The following LZTFL1 variants were observed in gnomAD, a reference collection of about 807,000 sequenced individuals.
LZTFL1 encodes leucine zipper transcription factor like 1.
LZTFL1 carries 25 observed loss-of-function variants against 45.9 expected under a neutral mutation model. The ratio of observed to expected loss-of-function variants is 0.54; its 90% CI spans 0.40 to 0.76. The LOEUF (loss-of-function observed/expected upper bound fraction) is 0.76. LZTFL1 is among the 30% of genes least tolerant of loss of function. The pLI is 0.00. For missense variants in LZTFL1, 277 were observed against 331.1 expected (o/e 0.84, Z 1.27); for synonymous variants, 93 against 117.4 (o/e 0.79, Z 1.35).
chr3:45,828,055 C>T (rs1006277132), intron 8 of LZTFL1, among the ~76,000 whole-genome samples: 1 of 151,938 alleles, frequency 6.6e-6, no homozygotes, highest in African/African-American at 2.4e-5. Flanking sequence ...ATCTAGCTCT[C>T]TACATATTTT....
rs140610620 is a variant in LZTFL1 at position 45,841,783 on chromosome 3, G to A, written c.3+206C>T. 391 of 637,518 alleles carry A rather than the reference G, an allele frequency of 6.1e-4. 6 individuals carry two copies. In the East Asian group the frequency reaches 0.01, roughly 17 times the overall value. The allele number at this position is 637,518 out of a possible 1,614,324, so 39.5% of individuals were successfully genotyped here. A position where few individuals can be genotyped will look rare whatever the true frequency, so the allele number is the denominator to read the frequency against. ...GGCGGAGCTGGGCTGCTGGGAAAAGGCTTCACCCAGGATTACCCCAGAAGG... is the reference window on the plus strand; with the variant it reads ...GGCGGAGCTGGGCTGCTGGGAAAAGACTTCACCCAGGATTACCCCAGAAGG... On this transcript the variant is annotated intron_variant, in intron 1 of 9. Coordinates refer to ENST00000296135, the MANE Select transcript of LZTFL1 (RefSeq NM_020347.4).
chr3:45,879,518 G>T (rs1271277240), intron 2 of LZTFL1, among the ~76,000 whole-genome samples: 1 of 152,188 alleles, frequency 6.6e-6, no homozygotes, highest in Non-Finnish European at 1.5e-5. Context: ...AGAGAGGGAC[G>T]AATAGGTGGA....
intron 2 of LZTFL1, among the ~76,000 whole-genome samples, chr3:45,889,426 G>A (rs1026010896): frequency 6.6e-6 from 1 of 152,146 alleles, no homozygotes; most frequent in African/African-American, 2.4e-5. Context: ...CAGGCTACAA[G>A]TTCCTCCTCT....
intron 8 of LZTFL1, among the ~76,000 whole-genome samples, chr3:45,828,005 A>AACTC (rs1343862207): frequency 1.3e-5 from 2 of 152,092 alleles, no homozygotes; most frequent in African/African-American, 4.8e-5. Flanking sequence ...ACCCGGCCTC[A>AACTC]ACTCCCATAT....
intron 4 of LZTFL1, among the ~76,000 whole-genome samples, chr3:45,851,044 C>T (rs1269713066): frequency 6.6e-6 from 1 of 152,068 alleles, no homozygotes; most frequent in South Asian, 2.1e-4. Flanking sequence ...CCTTCAGCTC[C>T]AATTCACTTC....
Position 45,830,806 on chromosome 3 carries a change from G to C in LZTFL1, c.600+107C>G. On this transcript the variant is annotated intron_variant, in intron 7 of 9. Transcript: ENST00000296135. ...ATGACAATAGAGGCATTTGTCTCAG[G>C]GAGTAGCAGGGGTGGGGTACAGTGA... The C allele has an allele frequency of 3.3e-6, 3 of 907,488 alleles. No individual in the cohort carries two copies. The South Asian group carries it at 4.7e-5, about 14-fold the overall frequency. The allele number at this position is 907,488 out of a possible 1,614,324, so 56.2% of individuals were successfully genotyped here.
chr3:45,842,147 G>A, upstream of LZTFL1: 2 of 1,510,180 alleles, frequency 1.3e-6, no homozygotes, highest in South Asian at 1.3e-5. Context: ...GAGGCACGTG[G>A]ACTGCAATTA....
intron 2 of LZTFL1, among the ~76,000 whole-genome samples, chr3:45,875,585 G>A (rs2125720410): frequency 6.6e-6 from 1 of 152,314 alleles, no homozygotes; most frequent in African/African-American, 2.4e-5. Flanking sequence ...ACTTTAGGAG[G>A]CCAAGACAGG....
intron 2 of LZTFL1, among the ~76,000 whole-genome samples, chr3:45,889,316 T>A (rs1326834669): frequency 2.6e-5 from 4 of 151,508 alleles, no homozygotes; most frequent in South Asian, 2.1e-4. Context: ...AAAAAAAAAA[T>A]AAAGAGAAAC....
At chr3:45,894,743 A>C (rs79967870) in intron 2 of LZTFL1, among the ~76,000 whole-genome samples, 1,995 of 152,338 alleles carry the variant, frequency 0.013, 49 homozygotes, top group African/African-American at 0.046. Flanking sequence ...GACTACTCAG[A>C]TGATTCTGAA....
intron 9 of LZTFL1, 56 bp downstream of exon 9, chr3:45,827,300 G>T: frequency 7.8e-7 from 1 of 1,290,222 alleles, no homozygotes; most frequent in Non-Finnish European, 1.1e-6. Context: ...AGATTTAACA[G>T]AGAACAAACA....
At chr3:45,845,641 T>C (rs1701206840), upstream of LZTFL1, among the ~76,000 whole-genome samples, 1 of 152,126 alleles carries the variant, frequency 6.6e-6, no homozygotes, top group Non-Finnish European at 1.5e-5. Context: ...CCTTTAAGAG[T>C]GTCTTATTCA....
At chr3:45,902,346 G>C (rs144027662) in intron 2 of LZTFL1, 1 of 172,050 alleles carries the variant, frequency 5.8e-6, no homozygotes, top group Non-Finnish European at 1.4e-5. Flanking sequence ...GTCCATCTTT[G>C]GGAAATTTTC....
Position 45,850,061 on chromosome 3 carries a change from T to C in LZTFL1, c.-49+4925A>G, listed in dbSNP as rs1373583225. ...GTTGAGAGATTTTTCCATGTGCCCA[T>C]TGTATTTGTTACTTAGAATTTACAA... On this transcript the variant is annotated intron_variant, in intron 4 of 4. Coordinates refer to the LZTFL1 transcript ENST00000472635. Among the ~76,000 whole-genome samples the C allele has an allele frequency of 4.6e-5, 7 of 152,220 alleles. No individual in the cohort carries two copies. In the South Asian group the frequency reaches 1.2e-3, roughly 27 times the overall value.
intron 4 of LZTFL1, among the ~76,000 whole-genome samples, chr3:45,849,804 TC>T (rs1701280699): frequency 6.6e-6 from 1 of 152,252 alleles, no homozygotes; most frequent in South Asian, 2.1e-4. Context: ...TCCCAGTTGT[TC>T]TTATGTGATA....
At chr3:45,886,655 A>C (rs1213024442) in intron 2 of LZTFL1, 1 of 152,264 alleles carries the variant, frequency 6.6e-6, no homozygotes, top group East Asian at 1.9e-4. Flanking sequence ...CGCCCTCCAC[A>C]GTGAGTATTG....
At chr3:45,870,131 T>C (rs1359134307) in intron 2 of LZTFL1, among the ~76,000 whole-genome samples, 1 of 152,228 alleles carries the variant, frequency 6.6e-6, no homozygotes, top group Non-Finnish European at 1.5e-5. Context: ...GTGCCCGCTC[T>C]CAAGCTCAGC....
Position 45,900,446 on chromosome 3 carries a change from A to T in LZTFL1, c.-215+12674T>A, listed in dbSNP as rs755020147. Among the ~76,000 whole-genome samples, 1 of 152,210 alleles carries T rather than the reference A, an allele frequency of 6.6e-6. No individual in the cohort carries two copies. The highest frequency in any genetic ancestry group is 1.9e-4 in the East Asian group (1 of 5,204). Reference sequence around the variant, plus strand: ...TCACAGTTTGATAAAACTGCCCATCAGTAGTGTGGAGGCACTCTTACCCCA... The same window carrying T: ...TCACAGTTTGATAAAACTGCCCATCTGTAGTGTGGAGGCACTCTTACCCCA... On this transcript the variant is annotated intron_variant, in intron 2 of 4. Transcript: ENST00000472635. This position sits in a 1 kb window ranked among gnomAD's most constrained non-coding sequence, Gnocchi z 4.7.
chr3:45,879,583 A>T (rs1046343750), intron 2 of LZTFL1, among the ~76,000 whole-genome samples: 3 of 152,220 alleles, frequency 2.0e-5, no homozygotes, highest in Non-Finnish European at 4.4e-5. Flanking sequence ...TTAATGGTGG[A>T]TACATGTCAT....
Sources: gnomAD v4.1 joint callset for allele counts (sites outside exome capture counted in the v4.1 genomes callset) on GRCh38, gnomAD v4.1.1 for gene constraint, Gnocchi (gnomAD v3.1) non-coding constraint, MANE v1.5 for transcripts, NCBI Gene and HGNC (gene_info 2026-07-23, HGNC 2026-07-21) for gene names.